Variants in TRPC4 observed in about 807,000 individuals in gnomAD.
TRPC4 encodes the protein transient receptor potential cation channel subfamily C member 4.
In TRPC4, 49 loss-of-function variants were observed where a neutral mutation model predicts 99.4. That is an observed-to-expected ratio of 0.49 (90% confidence interval 0.39 to 0.63). TRPC4 has a LOEUF of 0.63. TRPC4 is among the 20% of genes least tolerant of loss of function. The pLI, the probability that TRPC4 is intolerant of heterozygous loss-of-function variation, is 0.00. For synonymous variants in TRPC4, 454 were observed against 425.9 expected (o/e 1.07, Z -0.81); for missense variants, 898 against 1,152.9 (o/e 0.78, Z 3.20).
chr13:37,632,188 T>C lies in TRPC4; in HGVS notation c.*4715A>G, dbSNP rs17056321. ...GAGCTGACTGAAACAAATACAAATG[T>C]TCCTGAGCAGCACTGTCCAATAGAA... is the stretch of plus-strand genomic sequence containing the variant. On this transcript the variant is annotated 3_prime_UTR_variant, in exon 11 of 11. Transcript: ENST00000379705. Among the ~76,000 whole-genome samples, 1,240 of 152,294 alleles carry C rather than the reference T, an allele frequency of 8.1e-3. 13 individuals are homozygous for C. The highest frequency in any genetic ancestry group is 0.029 in the African/African-American group (1,188 of 41,566).
intron 1 of TRPC4, among the ~76,000 whole-genome samples, chr13:37,824,281 T>C (rs1344977071): frequency 1.4e-5 from 2 of 146,858 alleles, no homozygotes; most frequent in East Asian, 4.0e-4. Context: ...TCCTGCCTAA[T>C]TGCCCTGGCC....
In TRPC4 at chr13:37,640,836, T is replaced by C. The variant is rs1050417182; in HGVS notation, c.2080-1537A>G. On this transcript the variant is annotated intron_variant, in intron 8 of 10. Coordinates refer to ENST00000379705, the MANE Select transcript of TRPC4 (RefSeq NM_016179.4). ...TTTAACATTCTCACCATAAATATTA[T>C]AACAGAGATCTGATTTTCATTATTT... Among the ~76,000 whole-genome samples, 103 of 152,174 alleles carry C rather than the reference T, an allele frequency of 6.8e-4. 1 individual carries two copies. Among genetic ancestry groups the C allele is most frequent in the Non-Finnish European group, 1.3e-3 (89 of 68,018 alleles).
intron 1 of TRPC4, among the ~76,000 whole-genome samples, chr13:37,837,838 C>T (rs186233408): frequency 6.6e-6 from 1 of 152,032 alleles, no homozygotes; most frequent in African/African-American, 2.4e-5. Flanking sequence ...TGGCTGTGTC[C>T]CCACTCAAAT....
chr13:37,794,207 T>G (rs1474622168), intron 1 of TRPC4, among the ~76,000 whole-genome samples: 1 of 28,114 alleles, frequency 3.6e-5, no homozygotes, highest in Non-Finnish European at 7.6e-5. Flanking sequence ...TAATTGGTGG[T>G]TTTTTTTGTT....
At position 37,637,135 on chromosome 13, in the gene TRPC4, C is replaced by T. The variant is rs747269770; in HGVS notation, c.2702G>A (p.Gly901Asp). Residue 901 changes from glycine to aspartate, a missense_variant, in exon 11 of 11, where the codon GGT becomes GAT. Gly to Asp is a moderately conservative substitution (Grantham distance 94). Around this residue, in one of 3 missense-constraint regions of TRPC4, gnomAD observed 346 missense variants for 351.4 expected, o/e 0.98. Transcript: ENST00000379705. ...TACTAACACACATTGTTCACTGAGA[C>T]CGGGAATGCTCAGGTCACCCCGTGA... The part of the protein sequence containing the change: ...LASRGDLSIP[G>D]LSEQCVLVDH... The T allele has an allele frequency of 1.2e-6, 2 of 1,613,772 alleles. No individual in the cohort carries two copies. The highest frequency in any genetic ancestry group is 1.7e-6 in the Non-Finnish European group (2 of 1,179,826).
chr13:37,682,306 G>T (rs997700498), intron 4 of TRPC4, among the ~76,000 whole-genome samples: 2 of 152,154 alleles, frequency 1.3e-5, no homozygotes, highest in African/African-American at 4.8e-5. Flanking sequence ...GAAGATAAAA[G>T]AACACAAAAA....
chr13:37,653,803 G>T (rs981997243), intron 7 of TRPC4, among the ~76,000 whole-genome samples: 1 of 152,128 alleles, frequency 6.6e-6, no homozygotes. Context: ...CAGCTTCCTT[G>T]TATCTAGCTT....
chr13:37,778,139 TAATGATTTA>T, intron 2 of TRPC4, among the ~76,000 whole-genome samples: 1 of 152,176 alleles, frequency 6.6e-6, no homozygotes, highest in South Asian at 2.1e-4. Context: ...AATAAGTAAT[TAATGATTTA>T]AATGACACCC....
intron 1 of TRPC4, among the ~76,000 whole-genome samples, chr13:37,816,482 C>G (rs1957857872): frequency 6.6e-6 from 1 of 151,938 alleles, no homozygotes; most frequent in African/African-American, 2.4e-5. Context: ...TCTGCTGAAA[C>G]TATTCCAAAT....
At chr13:37,763,493 G>A (rs978330064) in intron 2 of TRPC4, among the ~76,000 whole-genome samples, 2 of 151,630 alleles carry the variant, frequency 1.3e-5, no homozygotes, top group African/African-American at 4.8e-5. Context: ...CTAGGCAAGT[G>A]GAAGGGTACC....
intron 1 of TRPC4, among the ~76,000 whole-genome samples, chr13:37,793,072 A>C (rs2139396514): frequency 6.6e-6 from 1 of 152,298 alleles, no homozygotes; most frequent in East Asian, 1.9e-4. Context: ...ATGGAAAAAT[A>C]ATAAGTGACG....
chr13:37,780,947 T>A (rs999091111), intron 2 of TRPC4, among the ~76,000 whole-genome samples: 1 of 152,070 alleles, frequency 6.6e-6, no homozygotes, highest in Non-Finnish European at 1.5e-5. Context: ...CAGAAACACA[T>A]GGCCTGGGAA....
At chr13:37,839,897 C>T (rs1958685648) in intron 1 of TRPC4, among the ~76,000 whole-genome samples, 1 of 152,094 alleles carries the variant, frequency 6.6e-6, no homozygotes, top group Non-Finnish European at 1.5e-5. Context: ...CCCTAATATT[C>T]CATCAACCAA....
At chr13:37,814,163 C>T (rs1381928858) in intron 1 of TRPC4, among the ~76,000 whole-genome samples, 5 of 151,738 alleles carry the variant, frequency 3.3e-5, no homozygotes, top group Non-Finnish European at 5.9e-5. Context: ...ATCTAGGAAT[C>T]AAATGGGATT....
intron 1 of TRPC4, among the ~76,000 whole-genome samples, chr13:37,841,378 T>G (rs967909223): frequency 1.3e-5 from 2 of 152,004 alleles, no homozygotes; most frequent in African/African-American, 2.4e-5. Context: ...TTTTCCTTTT[T>G]AAAAATAAAA....
chr13:37,858,767 G>A (rs1201037552), intron 1 of TRPC4, among the ~76,000 whole-genome samples: 1 of 151,514 alleles, frequency 6.6e-6, no homozygotes, highest in African/African-American at 2.4e-5. Context: ...GTAGAAGGAT[G>A]ATTACCAGAG....
intron 4 of TRPC4, among the ~76,000 whole-genome samples, chr13:37,684,223 A>T (rs904982713): frequency 6.6e-6 from 1 of 152,230 alleles, no homozygotes; most frequent in South Asian, 2.1e-4. Flanking sequence ...TTCAAAAAAC[A>T]CTGACATAAA....
chr13:37,709,444 G>A (rs1457420103), intron 3 of TRPC4, among the ~76,000 whole-genome samples: 5 of 151,956 alleles, frequency 3.3e-5, no homozygotes, highest in African/African-American at 7.2e-5. Context: ...AACAATAATT[G>A]TAGAATGACT....
In TRPC4 at chr13:37,651,396, C is replaced by T. The variant is rs752376988; in HGVS notation, c.1948G>A (p.Gly650Arg). The change falls in exon 8 of 11, where the codon GGA (glycine) becomes AGA (arginine). Residue 650 changes from glycine (G) to arginine (R), a missense_variant. By Grantham distance (125) the Gly-to-Arg change is moderately radical. Transcript: ENST00000379705. ...TKLWMSYFEEGGTLPTPFNVI... is the reference protein window; with the variant it reads ...TKLWMSYFEERGTLPTPFNVI... ...TTGAAGGGAGTAGGCAGAGTACCTC[C>T]TTCTTCAAAATAACTCATCCAAAGC... is the stretch of plus-strand genomic sequence containing the variant. The T allele has an allele frequency of 1.9e-6, 3 of 1,614,036 alleles. No individual in the cohort carries two copies. The highest frequency in any genetic ancestry group is 2.5e-6 in the Non-Finnish European group (3 of 1,179,946).
Sources: allele counts gnomAD v4.1 joint callset (sites outside exome capture counted in the v4.1 genomes callset), GRCh38; gene constraint gnomAD v4.1.1; regional missense constraint gnomAD v4.1.1; transcripts MANE v1.5; gene names NCBI Gene and HGNC (gene_info 2026-07-23, HGNC 2026-07-21).